Variants in DOCK3 observed in about 807,000 individuals in gnomAD.
DOCK3 encodes dedicator of cytokinesis 3.
A neutral mutation model predicts 265.6 loss-of-function variants in DOCK3; 60 were observed. The observed-to-expected ratio is 0.23, with a 90% CI of 0.18 to 0.28. The LOEUF (loss-of-function observed/expected upper bound fraction) is 0.28, where lower values mean the gene tolerates loss of function less well. Among genes scored for constraint, DOCK3 ranks in the 10% least tolerant of loss-of-function variants. DOCK3 has a pLI of 1.00. For synonymous variants in DOCK3, 881 were observed against 938.0 expected (o/e 0.94, Z 1.11); for missense variants, 1,981 against 2,594.3 (o/e 0.76, Z 5.14).
chr3:51,189,006 G>A (rs368263105), intron 12 of DOCK3, among the ~76,000 whole-genome samples: 1 of 152,206 alleles, frequency 6.6e-6, no homozygotes, highest in East Asian at 1.9e-4. Context: ...TTAGTTTTTT[G>A]AGAAATCTCC....
At chr3:50,997,323 A>G (rs1427890372) in intron 5 of DOCK3, among the ~76,000 whole-genome samples, 1 of 152,170 alleles carries the variant, frequency 6.6e-6, no homozygotes, top group Non-Finnish European at 1.5e-5. Context: ...CAAATTATAG[A>G]GCAGTATATG....
At chr3:50,738,346 C>T (rs2038780418) in intron 1 of DOCK3, among the ~76,000 whole-genome samples, 1 of 152,120 alleles carries the variant, frequency 6.6e-6, no homozygotes, top group African/African-American at 2.4e-5. Context: ...GGAGCCCAGG[C>T]CCACAGTTTC....
chr3:51,041,178 ATATATATATATATATATATATATATATTT>A (rs1410246132), intron 5 of DOCK3, among the ~76,000 whole-genome samples: 9 of 18,740 alleles, frequency 4.8e-4, no homozygotes, highest in Non-Finnish European at 1.6e-3. Flanking sequence ...ATATATATAT[ATATATATATATATATATATATATATATTT>A]TTTTTTTTTT....
At chr3:51,012,731 G>C (rs1378574960) in intron 5 of DOCK3, among the ~76,000 whole-genome samples, 2 of 152,194 alleles carry the variant, frequency 1.3e-5, no homozygotes, top group African/African-American at 4.8e-5. Flanking sequence ...CCCGTCTTCT[G>C]TGTCGCTCAC....
At chr3:51,281,005 A>G (rs1054653698) in intron 27 of DOCK3, among the ~76,000 whole-genome samples, 3 of 152,150 alleles carry the variant, frequency 2.0e-5, no homozygotes, top group Non-Finnish European at 4.4e-5. Flanking sequence ...ATGATTCTCC[A>G]GAATCATTCC....
At chr3:50,690,397 A>G (rs6446211) in intron 1 of DOCK3, among the ~76,000 whole-genome samples, 151,763 of 152,262 alleles carry the variant, frequency 1, 75,639 homozygotes, top group Middle Eastern at 1. Context: ...GCCTCCCAGA[A>G]AGCTGGAGTT....
At chr3:51,250,917 C>T (rs953243298) in intron 22 of DOCK3, among the ~76,000 whole-genome samples, 3 of 152,144 alleles carry the variant, frequency 2.0e-5, no homozygotes, top group Non-Finnish European at 2.9e-5. Context: ...ATGTGCACAA[C>T]GTGCAGGTTT....
At chr3:51,305,391 G>T (rs2082598382) in intron 27 of DOCK3, among the ~76,000 whole-genome samples, 1 of 151,992 alleles carries the variant, frequency 6.6e-6, no homozygotes, top group Non-Finnish European at 1.5e-5. Context: ...TCTCGTTTGG[G>T]TACTATTTTC....
chr3:51,292,027 T>C lies in DOCK3; in HGVS notation c.2922+11823T>C, dbSNP rs545480380. Among the ~76,000 whole-genome samples the C allele has an allele frequency of 3.9e-5, 6 of 152,304 alleles. No individual in the cohort carries two copies. In the South Asian group the frequency reaches 8.3e-4, roughly 21 times the overall value. ...CATCTCAATAAATGCAGGCAAAGCATATAAAAAATTCTCATTTCTTGATTT... is the reference window on the plus strand; with the variant it reads ...CATCTCAATAAATGCAGGCAAAGCACATAAAAAATTCTCATTTCTTGATTT... On this transcript the variant is annotated intron_variant, in intron 27 of 52. Transcript: ENST00000266037.
chr3:50,773,728 G>A (rs1453527117), intron 1 of DOCK3, among the ~76,000 whole-genome samples: 1 of 151,968 alleles, frequency 6.6e-6, no homozygotes, highest in African/African-American at 2.4e-5. Flanking sequence ...TTAATTTGTG[G>A]CTACCTGCAA....
At chr3:50,985,023 A>AG (rs1353417002) in intron 5 of DOCK3, among the ~76,000 whole-genome samples, 1 of 152,216 alleles carries the variant, frequency 6.6e-6, no homozygotes, top group East Asian at 1.9e-4. Context: ...ATGGATACCG[A>AG]GGGATGACTG....
Position 51,383,415 on chromosome 3 carries a change from A to C in DOCK3, c.*1856A>C, listed in dbSNP as rs1443452594. 7 of 152,504 alleles carry C rather than the reference A, an allele frequency of 4.6e-5. No individual in the cohort carries two copies. Among genetic ancestry groups the C allele is most frequent in the South Asian group, 2.1e-4 (1 of 4,832 alleles). 9.4% of individuals were successfully genotyped at this position (152,504 alleles called of 1,614,324 possible). ...ATTTGCAAGCTTCAATCTCTGGACC[A>C]TCTGGTGTTCACAGGTGTTAGAGGG... On this transcript the variant is annotated 3_prime_UTR_variant, in exon 53 of 53. Transcript: ENST00000266037.
chr3:51,204,695 T>C (rs1297355848), intron 12 of DOCK3, among the ~76,000 whole-genome samples: 1 of 148,500 alleles, frequency 6.7e-6, no homozygotes, highest in Non-Finnish European at 1.5e-5. Context: ...TAAATCATGC[T>C]GCTATAAAGA....
At chr3:50,858,458 A>T (rs1559732520) in intron 3 of DOCK3, among the ~76,000 whole-genome samples, 2 of 151,200 alleles carry the variant, frequency 1.3e-5, no homozygotes, top group Non-Finnish European at 2.9e-5. Flanking sequence ...TAATAAAAAT[A>T]AAATGTTTAG....
intron 5 of DOCK3, among the ~76,000 whole-genome samples, chr3:50,975,124 C>T (rs1228489394): frequency 6.7e-6 from 1 of 148,376 alleles, no homozygotes; most frequent in African/African-American, 2.5e-5. Flanking sequence ...TAATTGAATA[C>T]CCTTTATTTC....
intron 49 of DOCK3, among the ~76,000 whole-genome samples, chr3:51,368,241 C>A (rs959207681): frequency 6.6e-6 from 1 of 152,140 alleles, no homozygotes; most frequent in Non-Finnish European, 1.5e-5. Flanking sequence ...GTGCAGCCCA[C>A]GGAGCAGGGC....
chr3:51,341,297 G>C lies in DOCK3; in HGVS notation c.3827G>C (p.Arg1276Pro). Residue 1276 changes from arginine to proline, a missense_variant, in exon 38 of 53, where the codon CGG becomes CCG. Coordinates refer to ENST00000266037, the MANE Select transcript of DOCK3 (RefSeq NM_004947.5). ...CTGCAGTGGGAGGACCGGCCACTACGGGAATTCCTCCACTACCCATCGCAG... is the reference window on the plus strand; with the variant it reads ...CTGCAGTGGGAGGACCGGCCACTACCGGAATTCCTCCACTACCCATCGCAG... The part of the protein sequence containing the change: ...ELLQWEDRPL[R>P]EFLHYPSQTE... 5.6e-6 allele frequency: 9 copies of C among 1,612,444 alleles called. No individual in the cohort carries two copies. The highest frequency in any genetic ancestry group is 6.8e-6 in the Non-Finnish European group (8 of 1,179,074).
chr3:51,169,456 G>A (rs2086568356), intron 12 of DOCK3, among the ~76,000 whole-genome samples: 1 of 152,128 alleles, frequency 6.6e-6, no homozygotes, highest in African/African-American at 2.4e-5. Context: ...TGGAGGTGGA[G>A]GCCATCAATC....
At chr3:51,134,935 C>G (rs1300693803) in intron 9 of DOCK3, among the ~76,000 whole-genome samples, 2 of 152,124 alleles carry the variant, frequency 1.3e-5, no homozygotes, top group African/African-American at 4.8e-5. Flanking sequence ...GGTAAAATAC[C>G]TGTTGTAAAG....
Sources: allele counts gnomAD v4.1 joint callset (sites outside exome capture counted in the v4.1 genomes callset), GRCh38; gene constraint gnomAD v4.1.1; transcripts MANE v1.5; gene names NCBI Gene and HGNC (gene_info 2026-07-23, HGNC 2026-07-21).